The following SMC6 variants were observed in gnomAD, a reference collection of about 807,000 sequenced individuals.
SMC6 encodes structural maintenance of chromosomes protein 6.
In SMC6, 79 loss-of-function variants were observed where a neutral mutation model predicts 142.2. The observed-to-expected ratio is 0.56, with a 90% CI of 0.46 to 0.67. SMC6 has a LOEUF of 0.67. SMC6 is among the 30% of genes least tolerant of loss of function. The pLI is 0.00. For synonymous variants in SMC6, 411 were observed against 412.4 expected (o/e 1.00, Z 0.04); for missense variants, 1,072 against 1,284.0 (o/e 0.83, Z 2.52).
chr2:17,715,035 A>C lies in SMC6; in HGVS notation c.1556T>G (p.Leu519Arg). The change falls in exon 16 of 28, where the codon CTT becomes CGT. Residue 519 changes from leucine to arginine, a missense_variant. Leu to Arg is a moderately radical substitution (Grantham distance 102, BLOSUM62 -2). Around this residue, in one of 3 missense-constraint regions of SMC6, gnomAD observed 994 missense variants for 1,153.2 expected, o/e 0.86. Coordinates refer to ENST00000448223, the MANE Select transcript of SMC6 (RefSeq NM_001142286.2). ...TAAGCAAGATTCAATAGCCAAAGCA[A>C]GTTCTGGGTCCCGAAGATGAATGCA... is the stretch of plus-strand genomic sequence containing the variant. ...GACIHLRDPE[L>R]ALAIESCLKG... is the part of the protein sequence containing the mutation. 6.2e-7 allele frequency: 1 copy of C among 1,613,846 alleles called. No homozygotes were observed. Among genetic ancestry groups the C allele is most frequent in the South Asian group, 1.1e-5 (1 of 91,036 alleles).
At chr2:17,698,164 G>A (rs545169348) in intron 21 of SMC6, among the ~76,000 whole-genome samples, 50 of 152,106 alleles carry the variant, frequency 3.3e-4, no homozygotes, top group Non-Finnish European at 6.5e-4. Context: ...CTGTTAATCA[G>A]TACGGGTTTC....
At chr2:17,725,383 G>A (rs751855418) in intron 8 of SMC6, 25 bp from the exon 9 acceptor site, 18 of 1,475,446 alleles carry the variant, frequency 1.2e-5, no homozygotes, top group African/African-American at 2.8e-5. Flanking sequence ...AAAAAAAAAC[G>A]CAATTAGGAG....
intron 2 of SMC6, among the ~76,000 whole-genome samples, chr2:17,751,347 G>T (rs1671024221): frequency 6.6e-6 from 1 of 151,836 alleles, no homozygotes. Context: ...AAGTGTGGTG[G>T]TGCATGCCTG....
At chr2:17,729,447 T>A (rs1233066873) in intron 7 of SMC6, among the ~76,000 whole-genome samples, 1 of 151,974 alleles carries the variant, frequency 6.6e-6, no homozygotes, top group Non-Finnish European at 1.5e-5. Context: ...TCAATTTTCC[T>A]CATAATGAAA....
At chr2:17,712,638 G>A in intron 16 of SMC6, among the ~76,000 whole-genome samples, 2 of 152,240 alleles carry the variant, frequency 1.3e-5, no homozygotes, top group South Asian at 4.1e-4. Context: ...CTAAATGACT[G>A]AAATGAGTCC....
Position 17,666,527 on chromosome 2 carries a change from AAAG to A in SMC6, c.3064-13_3064-11del. 1.2e-6 allele frequency: 2 copies of A among 1,602,930 alleles called. No individual in the cohort carries two copies. The highest frequency in any genetic ancestry group is 2.2e-5 in the South Asian group (2 of 90,582). The stretch of plus-strand genomic sequence containing the variant: ...TCCTATTAACCATATCCTGAAAAAC[AAAG>A]GCAAAAGTTAGGATTGCTATTGTGT... On this transcript the variant is annotated splice_polypyrimidine_tract_variant and intron_variant, in intron 26 of 27. Coordinates refer to ENST00000448223, the MANE Select transcript of SMC6 (RefSeq NM_001142286.2).
chr2:17,731,897 C>G lies in SMC6; in HGVS notation c.345-20G>C. 6.2e-7 allele frequency: 1 copy of G among 1,609,304 alleles called. No individual in the cohort carries two copies. The highest frequency in any genetic ancestry group is 1.1e-5 in the South Asian group (1 of 90,324). On this transcript the variant is annotated intron_variant, in intron 5 of 27. Transcript: ENST00000448223. ...GCAGAGCTGAAAGAATGAGGTTGAG[C>G]TAAGTTACATGAAGATACAGTGTAA...
intron 26 of SMC6, among the ~76,000 whole-genome samples, 195 bp from the exon 27 acceptor site, chr2:17,666,712 G>T (rs139232961): frequency 6.0e-4 from 92 of 152,254 alleles, no homozygotes; most frequent in African/African-American, 2.1e-3. Flanking sequence ...GCTGGGTGCA[G>T]TGGCTCATGT....
intron 3 of SMC6, among the ~76,000 whole-genome samples, chr2:17,742,193 T>C (rs190530673): frequency 5.3e-4 from 81 of 152,308 alleles, no homozygotes; most frequent in Admixed American, 1.4e-3. Context: ...CCAATTGGCA[T>C]AGTAAAACTT....
chr2:17,712,312 G>T (rs567574668), intron 16 of SMC6, among the ~76,000 whole-genome samples: 5 of 152,296 alleles, frequency 3.3e-5, no homozygotes, highest in Admixed American at 6.5e-5. Context: ...AAAACAGAGA[G>T]AAAATTTAAC....
intron 3 of SMC6, among the ~76,000 whole-genome samples, chr2:17,744,455 T>G (rs1670634695): frequency 1.3e-5 from 2 of 152,088 alleles, no homozygotes; most frequent in African/African-American, 2.4e-5. Flanking sequence ...ATTTTAAGAG[T>G]TTTTTGTAGA....
intron 11 of SMC6, 48 bp from the exon 12 acceptor site, chr2:17,718,271 G>T (rs1669202288): frequency 7.4e-7 from 1 of 1,354,464 alleles, no homozygotes; most frequent in Non-Finnish European, 9.9e-7. Context: ...TCAATAGAGA[G>T]AATTTTAAAA....
intron 25 of SMC6, among the ~76,000 whole-genome samples, chr2:17,676,430 A>G (rs976755583): frequency 3.9e-5 from 6 of 152,188 alleles, no homozygotes; most frequent in African/African-American, 1.4e-4. Context: ...AGCTTTAAAT[A>G]TAAATGAAAT....
At chr2:17,751,191 G>A (rs1671011803) in intron 2 of SMC6, among the ~76,000 whole-genome samples, 1 of 151,936 alleles carries the variant, frequency 6.6e-6, no homozygotes, top group Non-Finnish European at 1.5e-5. Flanking sequence ...TGAAAACACT[G>A]AGTTTGGGCT....
intron 9 of SMC6, among the ~76,000 whole-genome samples, chr2:17,724,077 GAAAC>G (rs927011453): frequency 2.6e-5 from 4 of 151,956 alleles, no homozygotes; most frequent in East Asian, 1.9e-4. Flanking sequence ...CCAAGTGTCT[GAAAC>G]AAACAAATTT....
At chr2:17,683,536 C>T in intron 24 of SMC6, 102 bp downstream of exon 24, 1 of 1,049,912 alleles carries the variant, frequency 9.5e-7, no homozygotes, top group Non-Finnish European at 1.4e-6. Flanking sequence ...AATAACAAAG[C>T]AAGCATTAAT....
chr2:17,719,878 G>A (rs1669284152), intron 11 of SMC6, among the ~76,000 whole-genome samples: 1 of 152,116 alleles, frequency 6.6e-6, no homozygotes, highest in Non-Finnish European at 1.5e-5. Flanking sequence ...AGATCAATCT[G>A]CTTATCTTGG....
chr2:17,688,320 A>C (rs1667551500), intron 23 of SMC6, among the ~76,000 whole-genome samples: 1 of 151,868 alleles, frequency 6.6e-6, no homozygotes, highest in Non-Finnish European at 1.5e-5. Flanking sequence ...GCTATTAAAA[A>C]AAAAAAAAAA....
At chr2:17,741,033 C>T (rs997812624) in intron 4 of SMC6, among the ~76,000 whole-genome samples, 3 of 152,148 alleles carry the variant, frequency 2.0e-5, no homozygotes, top group African/African-American at 7.2e-5. Flanking sequence ...CTCCACTGTC[C>T]ACCATACAAT....
Sources: allele counts gnomAD v4.1 joint callset (sites outside exome capture counted in the v4.1 genomes callset), GRCh38; gene constraint gnomAD v4.1.1; regional missense constraint gnomAD v4.1.1; transcripts MANE v1.5; gene names NCBI Gene and HGNC (gene_info 2026-07-23, HGNC 2026-07-21).